The following ZGPAT variants were observed in gnomAD, a reference collection of about 807,000 sequenced individuals.
ZGPAT encodes zinc finger CCCH-type and G-patch domain containing.
In ZGPAT, 39 loss-of-function variants were observed where a neutral mutation model predicts 47.9. The observed-to-expected ratio is 0.81, with a 90% CI of 0.63 to 1.06. ZGPAT has a LOEUF of 1.06. Among genes scored for constraint, ZGPAT ranks in the 50% least tolerant of loss-of-function variants. The pLI is 0.00. For missense variants in ZGPAT, 717 were observed against 681.4 expected (o/e 1.05, Z -0.58); for synonymous variants, 348 against 292.9 (o/e 1.19, Z -1.92).
intron 2 of ZGPAT, among the ~76,000 whole-genome samples, chr20:63,731,658 C>T (rs2091905320): frequency 1.5e-5 from 2 of 135,420 alleles, no homozygotes; most frequent in African/African-American, 5.4e-5. Flanking sequence ...ACAGTTGGCC[C>T]TGTGTGTGAT....
rs1205889753 is a variant in ZGPAT, at chr20:63,735,925, C to T, written c.*6C>T. On this transcript the variant is annotated 3_prime_UTR_variant, in exon 7 of 7. Transcript: ENST00000355969. ...AGAAGATGACTGAGTTCTAGAGACC[C>T]CACAAGCACTATGGACGAAGCGTGG... is the stretch of plus-strand genomic sequence containing the variant. 6.2e-7 allele frequency: 1 copy of T among 1,608,912 alleles called. No individual in the cohort carries two copies. Among genetic ancestry groups the T allele is most frequent in the Non-Finnish European group, 8.5e-7 (1 of 1,177,368 alleles).
intron 2 of ZGPAT, among the ~76,000 whole-genome samples, chr20:63,722,653 T>A (rs1486637109): frequency 6.6e-6 from 1 of 152,024 alleles, no homozygotes; most frequent in Non-Finnish European, 1.5e-5. Context: ...TTTTTTTTTT[T>A]ATGGAGTTTC....
chr20:63,709,524 C>T (rs968998525), intron 2 of ZGPAT, among the ~76,000 whole-genome samples: 1 of 152,154 alleles, frequency 6.6e-6, no homozygotes, highest in Non-Finnish European at 1.5e-5. Flanking sequence ...GTGGTCCTGG[C>T]TACTCAGGAG....
intron 2 of ZGPAT, among the ~76,000 whole-genome samples, chr20:63,732,864 ATGCGCG>A (rs1165637981): frequency 2.0e-5 from 3 of 151,282 alleles, no homozygotes; most frequent in African/African-American, 7.3e-5. Context: ...ACATGTGTAT[ATGCGCG>A]TGTGCGTATG....
intron 2 of ZGPAT, among the ~76,000 whole-genome samples, chr20:63,717,342 T>C (rs1169064526): frequency 2.2e-5 from 3 of 138,150 alleles, no homozygotes; most frequent in East Asian, 2.0e-4. Flanking sequence ...CTTTTTTTTT[T>C]TTTTTTTTTT....
At chr20:63,733,035 CAT>C (rs765341289) in intron 2 of ZGPAT, among the ~76,000 whole-genome samples, 182 bp from the exon 3 acceptor site, 16 of 150,164 alleles carry the variant, frequency 1.1e-4, no homozygotes, top group African/African-American at 2.2e-4. Flanking sequence ...TGAGTGTGTG[CAT>C]GTGTGTGTGT....
At position 63,733,145 on chromosome 20, in the gene ZGPAT, G is replaced by A. The variant is rs541446263; in HGVS notation, c.585-74G>A. 1.0e-3 allele frequency: 1,579 copies of A among 1,566,418 alleles called. 7 individuals are homozygous for A. Among genetic ancestry groups the A allele is most frequent in the South Asian group, 5.9e-3 (512 of 86,792 alleles). ...CCCTCAGGACAGTGCCCAGGCGGAT[G>A]GGTCAGTGCTCCTGGGTTGGTTTGC... On this transcript the variant is annotated intron_variant, in intron 2 of 6. Coordinates refer to ENST00000355969, the MANE Select transcript of ZGPAT (RefSeq NM_181485.3).
chr20:63,735,660 T>G, intron 6 of ZGPAT, 96 bp downstream of exon 6: 5 of 1,499,980 alleles, frequency 3.3e-6, no homozygotes, highest in Non-Finnish European at 4.5e-6. Context: ...CATAGCGGGC[T>G]GAGTCCAGGA....
rs1239411263 is a variant in ZGPAT, at chr20:63,708,562, A to G, written c.-19A>G. 32 of 1,567,618 alleles carry G rather than the reference A, an allele frequency of 2.0e-5. No individual in the cohort carries two copies. The highest frequency in any genetic ancestry group is 2.6e-5 in the Non-Finnish European group (30 of 1,152,972). ...GCTTCTCTTCTTGCAGCCCTGGTCC[A>G]GCGCCTCCCTCTCTCAGCATGGACG... is the stretch of plus-strand genomic sequence containing the variant. On this transcript the variant is annotated 5_prime_UTR_variant, in exon 2 of 7. Transcript: ENST00000355969.
rs753348164 is a variant in ZGPAT, at chr20:63,735,936, A to G, written c.*17A>G. 4.4e-6 allele frequency: 7 copies of G among 1,601,916 alleles called. No homozygotes were observed. In the African/African-American group the frequency reaches 6.7e-5, roughly 15 times the overall value. On this transcript the variant is annotated 3_prime_UTR_variant, in exon 7 of 7. Coordinates refer to ENST00000355969, the MANE Select transcript of ZGPAT (RefSeq NM_181485.3). ...GAGTTCTAGAGACCCCACAAGCACT[A>G]TGGACGAAGCGTGGGACCCCAGCAC...
In ZGPAT at chr20:63,708,538, C is replaced by G. The variant is rs201232272; in HGVS notation, c.-28-15C>G. On this transcript the variant is annotated splice_polypyrimidine_tract_variant and intron_variant, in intron 1 of 6. Coordinates refer to ENST00000355969, the MANE Select transcript of ZGPAT (RefSeq NM_181485.3). The stretch of plus-strand genomic sequence containing the variant: ...GTCCCGAGACGCGGGGCTCAGCTGG[C>G]TTCTCTTCTTGCAGCCCTGGTCCAG... 6.5e-7 allele frequency: 1 copy of G among 1,530,880 alleles called. No homozygotes were observed. Among genetic ancestry groups the G allele is most frequent in the Non-Finnish European group, 8.8e-7 (1 of 1,134,738 alleles). 94.8% of individuals were successfully genotyped at this position (1,530,880 alleles called of 1,614,324 possible).
intron 2 of ZGPAT, among the ~76,000 whole-genome samples, chr20:63,730,946 CTCTCTCTCTCTCTCTCTCTCTCTCTGTG>C (rs1476544757): frequency 2.2e-4 from 32 of 147,378 alleles, no homozygotes; most frequent in African/African-American, 8.0e-4. Context: ...CTCTCTCTCT[CTCTCTCTCTCTCTCTCTCTCTCTCTGTG>C]TGTGTGTGTG....
At chr20:63,733,828 A>G (rs1306133004) in intron 4 of ZGPAT, 89 bp downstream of exon 4, 3 of 1,517,822 alleles carry the variant, frequency 2.0e-6, no homozygotes, top group African/African-American at 2.8e-5. Flanking sequence ...CCATCTAACC[A>G]AACTATTGGA....
rs200601981 is a variant in ZGPAT, at chr20:63,735,480, G to A, written c.1313G>A (p.Arg438Gln). 3.6e-4 allele frequency: 556 copies of A among 1,550,700 alleles called. 2 individuals are homozygous for A. Among genetic ancestry groups the A allele is most frequent in the Admixed American group, 5.2e-4 (25 of 47,742 alleles). Reference protein sequence around the residue: ...SKSAKRALSLRLFQTEEKIER... With the variant: ...SKSAKRALSLQLFQTEEKIER... ...AGTGCCAAGCGGGCCCTGAGCCTGC[G>A]GCTCTTCCAGACTGAGGAGAAGATC... The change falls in exon 6 of 7, where the codon CGG (arginine) becomes CAG (glutamine). Residue 438 changes from arginine (R) to glutamine (Q), a missense_variant. Coordinates refer to ENST00000355969, the MANE Select transcript of ZGPAT (RefSeq NM_181485.3).
At chr20:63,733,103 C>A in intron 2 of ZGPAT, 116 bp from the exon 3 acceptor site, 1 of 1,365,060 alleles carries the variant, frequency 7.3e-7, no homozygotes, top group East Asian at 2.4e-5. Flanking sequence ...TGTATACGCA[C>A]GCGTGTGTGT....
At chr20:63,726,739 C>A (rs2091849859) in intron 2 of ZGPAT, among the ~76,000 whole-genome samples, 1 of 152,160 alleles carries the variant, frequency 6.6e-6, no homozygotes. Flanking sequence ...GTTGGCCAGG[C>A]TGGTCTTGAA....
chr20:63,725,291 C>G (rs531110154), intron 2 of ZGPAT, among the ~76,000 whole-genome samples: 1 of 152,346 alleles, frequency 6.6e-6, no homozygotes, highest in East Asian at 1.9e-4. Flanking sequence ...GCTAGAATTT[C>G]TTGTAGGACA....
At chr20:63,718,120 G>A (rs1366080198) in intron 2 of ZGPAT, among the ~76,000 whole-genome samples, 1 of 151,286 alleles carries the variant, frequency 6.6e-6, no homozygotes, top group African/African-American at 2.4e-5. Flanking sequence ...CTCCTGACTT[G>A]AAGGAGTCCT....
chr20:63,730,825 C>T lies in ZGPAT; in HGVS notation c.585-2394C>T, dbSNP rs369497299. ...GGTTGAAAGAACTTCCTTTTTGAAA[C>T]GATGGCATGGCAGCAGTGGATGGCG... On this transcript the variant is annotated intron_variant, in intron 2 of 6. Transcript: ENST00000355969. Among the ~76,000 whole-genome samples, 44 of 152,142 alleles carry T rather than the reference C, an allele frequency of 2.9e-4. 1 individual carries two copies. The South Asian group carries it at 8.5e-3, about 29-fold the overall frequency.
Sources: allele counts gnomAD v4.1 joint callset (sites outside exome capture counted in the v4.1 genomes callset), GRCh38; gene constraint gnomAD v4.1.1; transcripts MANE v1.5; gene names NCBI Gene and HGNC (gene_info 2026-07-23, HGNC 2026-07-21).